Variants in KCNG2 observed in about 807,000 individuals in gnomAD.
The protein encoded by KCNG2 is potassium voltage-gated channel modifier subfamily G member 2.
KCNG2 carries 7 observed loss-of-function variants against 12.3 expected under a neutral mutation model. That is an observed-to-expected ratio of 0.57 (90% CI 0.32 to 1.07). The LOEUF is 1.07. Ranked by LOEUF, KCNG2 falls within the 50% of genes least tolerant of loss-of-function variation. The probability of loss-of-function intolerance (pLI) is 0.04; values close to 1 mark genes in which losing one functional copy is unlikely to be tolerated. For synonymous variants in KCNG2, 414 were observed against 351.4 expected, an observed-to-expected ratio of 1.18 and a Z score of -1.99; for missense variants, 703 against 726.0, an observed-to-expected ratio of 0.97 and a Z score of 0.36.
At chr18:79,894,125 G>A (rs571816202) in intron 3 of KCNG2, among the ~76,000 whole-genome samples, 51 of 151,598 alleles carry the variant, frequency 3.4e-4, no homozygotes, top group African/African-American at 1.1e-3. Context: ...AGCTGGGTCT[G>A]TGTCTCCTTT....
At chr18:79,845,383 G>A (rs549907786) in intron 1 of KCNG2, among the ~76,000 whole-genome samples, 3 of 152,308 alleles carry the variant, frequency 2.0e-5, no homozygotes, top group South Asian at 2.1e-4. Context: ...GGCGTTCCAC[G>A]GTTTTGGGGA....
chr18:79,845,189 T>C (rs958862705), intron 1 of KCNG2, among the ~76,000 whole-genome samples: 2 of 152,218 alleles, frequency 1.3e-5, no homozygotes, highest in Non-Finnish European at 2.9e-5. Context: ...AGGGTGTGGT[T>C]CAACATTCAT....
intron 1 of KCNG2, among the ~76,000 whole-genome samples, chr18:79,810,768 G>C (rs764548137): frequency 6.6e-6 from 1 of 152,020 alleles, no homozygotes; most frequent in Non-Finnish European, 1.5e-5. Flanking sequence ...TGTATAAAAA[G>C]ACAAAACAAA....
chr18:79,874,872 C>T (rs2123098449), intron 3 of KCNG2, among the ~76,000 whole-genome samples: 1 of 152,294 alleles, frequency 6.6e-6, no homozygotes, highest in East Asian at 1.9e-4. Context: ...TTCAGGCTTC[C>T]CTCTTCCCCA....
At chr18:79,806,146 C>T (rs1378453696) in intron 1 of KCNG2, among the ~76,000 whole-genome samples, 1 of 152,214 alleles carries the variant, frequency 6.6e-6, no homozygotes, top group Admixed American at 6.5e-5. Context: ...TCAGTGGTCC[C>T]TCATTCAAAG....
rs138239344 is a variant in KCNG2 at position 79,843,708 on chromosome 18, AAG to A, written c.-114-12669_-114-12668del. Among the ~76,000 whole-genome samples the A allele has an allele frequency of 9.7e-3, 1,471 of 152,306 alleles. 32 individuals are homozygous for A. The highest frequency in any genetic ancestry group is 0.034 in the African/African-American group (1,406 of 41,556). ...TTATGTATGCCTCATGGTAACTAAA[AAG>A]AAAAAAATTGTAATAGATACACAAA... is the stretch of plus-strand genomic sequence containing the variant. On this transcript the variant is annotated intron_variant, in intron 1 of 3. Coordinates refer to ENST00000316249, the MANE Select transcript of KCNG2 (RefSeq NM_012283.2).
chr18:79,804,993 G>T (rs571722515), intron 1 of KCNG2, among the ~76,000 whole-genome samples: 34 of 152,142 alleles, frequency 2.2e-4, no homozygotes, highest in Non-Finnish European at 4.7e-4. Flanking sequence ...TACATGTTTG[G>T]GGTTATTTCA....
chr18:79,888,564 C>T (rs1024222648), intron 3 of KCNG2, among the ~76,000 whole-genome samples: 8 of 152,202 alleles, frequency 5.3e-5, no homozygotes, highest in African/African-American at 1.9e-4. Flanking sequence ...GGGACGGCGG[C>T]GTCCTCCTCC....
chr18:79,876,524 G>A (rs1980078829), intron 3 of KCNG2, among the ~76,000 whole-genome samples: 1 of 152,244 alleles, frequency 6.6e-6, no homozygotes, highest in Non-Finnish European at 1.5e-5. Flanking sequence ...GTTCGACCCA[G>A]TTGAATTCTA....
chr18:79,851,711 G>A (rs1173799585), intron 1 of KCNG2, among the ~76,000 whole-genome samples: 5 of 151,960 alleles, frequency 3.3e-5, no homozygotes, highest in African/African-American at 1.2e-4. Context: ...GTATGTGTGT[G>A]TGAACGTGCA....
rs567074759 is a variant in KCNG2 at position 79,841,953 on chromosome 18, C to T, written c.-114-14426C>T. Among the ~76,000 whole-genome samples, 16 of 152,298 alleles carry T rather than the reference C, an allele frequency of 1.1e-4. 1 individual carries two copies. Among genetic ancestry groups the T allele is most frequent in the African/African-American group, 1.9e-4 (8 of 41,568 alleles). On this transcript the variant is annotated intron_variant, in intron 1 of 3. Transcript: ENST00000316249. ...AGATACTCTCCACATGGAAGGAGAA[C>T]GAAGCGAGCACTCAACTTCACTGTG...
At chr18:79,799,361 C>G (rs773675639) in intron 1 of KCNG2, among the ~76,000 whole-genome samples, 7 of 152,118 alleles carry the variant, frequency 4.6e-5, no homozygotes, top group Non-Finnish European at 7.4e-5. Flanking sequence ...CACCCCTGTT[C>G]TCTGGGATGG....
At chr18:79,828,870 A>G (rs1460391165) in intron 1 of KCNG2, among the ~76,000 whole-genome samples, 11 of 98,508 alleles carry the variant, frequency 1.1e-4, no homozygotes, top group Admixed American at 3.4e-4. Flanking sequence ...GTGGGTGTCT[A>G]TGTGTGCGTG....
chr18:79,878,516 C>T (rs1223286888), intron 3 of KCNG2, among the ~76,000 whole-genome samples: 2 of 152,138 alleles, frequency 1.3e-5, no homozygotes, highest in African/African-American at 4.8e-5. Context: ...GTGCGGAGGG[C>T]GCCTGATGCC....
At chr18:79,845,194 A>G (rs1408188474) in intron 1 of KCNG2, among the ~76,000 whole-genome samples, 1 of 152,228 alleles carries the variant, frequency 6.6e-6, no homozygotes, top group Admixed American at 6.5e-5. Context: ...GTGGTTCAAC[A>G]TTCATAACAT....
At chr18:79,873,784 C>A (rs1449509948) in intron 3 of KCNG2, among the ~76,000 whole-genome samples, 1 of 152,228 alleles carries the variant, frequency 6.6e-6, no homozygotes, top group African/African-American at 2.4e-5. Flanking sequence ...GCCTAGCTGC[C>A]TCACTGGGCC....
chr18:79,831,551 C>T (rs55750597), intron 1 of KCNG2, among the ~76,000 whole-genome samples: 2 of 117,986 alleles, frequency 1.7e-5, no homozygotes, highest in African/African-American at 5.9e-5. Context: ...TCGTCAGGAG[C>T]GTGCCCTGCG....
At chr18:79,836,835 C>A (rs551757508) in intron 1 of KCNG2, among the ~76,000 whole-genome samples, 9 of 152,290 alleles carry the variant, frequency 5.9e-5, no homozygotes, top group African/African-American at 2.2e-4. Context: ...CCTCCCTCAA[C>A]ACATGAGGAT....
At chr18:79,864,972 G>T (rs796514772) in intron 3 of KCNG2, among the ~76,000 whole-genome samples, 5 of 123,132 alleles carry the variant, frequency 4.1e-5, no homozygotes, top group South Asian at 3.1e-4. Flanking sequence ...CGGAAGTCTG[G>T]GTGCTGAGAG....
Sources: allele counts gnomAD v4.1 joint callset (sites outside exome capture counted in the v4.1 genomes callset), GRCh38; gene constraint gnomAD v4.1.1; transcripts MANE v1.5; gene names NCBI Gene and HGNC (gene_info 2026-07-23, HGNC 2026-07-21).